ADAM7: variants seen among roughly 807,000 people sequenced by gnomAD.
ADAM7 encodes the protein ADAM metallopeptidase domain 7.
ADAM7 carries 97 observed loss-of-function variants against 102.9 expected under a neutral mutation model. The observed-to-expected ratio is 0.94, with a 90% CI of 0.80 to 1.12. The LOEUF is 1.12. Among genes scored for constraint, ADAM7 ranks in the 50% most tolerant of loss-of-function variants. The pLI, the probability that ADAM7 is intolerant of heterozygous loss-of-function variation, is 0.00. For missense variants in ADAM7, 991 were observed against 908.7 expected (o/e 1.09, Z -1.16); for synonymous variants, 334 against 304.4 (o/e 1.10, Z -1.01).
chr8:24,485,197 T>G, intron 9 of ADAM7, 80 bp from the exon 10 acceptor site: 1 of 1,271,378 alleles, frequency 7.9e-7, no homozygotes, highest in Non-Finnish European at 1.1e-6. Context: ...TTGGCATTGC[T>G]GGGGTTCACT....
intron 12 of ADAM7, chr8:24,490,166 C>T (rs1314377361): frequency 6.6e-6 from 1 of 152,266 alleles, no homozygotes; most frequent in Non-Finnish European, 1.5e-5. Flanking sequence ...GGACAGTAAC[C>T]TGTCCAAAGG....
chr8:24,454,573 A>C lies in ADAM7; in HGVS notation c.233+7311A>C, dbSNP rs185833291. ...CCATCTGTCACCCCTTTCTTTGACT[A>C]GGAAAGGGAACTCCCTGATCCCTTG... On this transcript the variant is annotated intron_variant, in intron 3 of 21. Coordinates refer to ENST00000175238, the MANE Select transcript of ADAM7 (RefSeq NM_003817.4). 5.5e-3 allele frequency among the ~76,000 whole-genome samples: 842 copies of C among 152,258 alleles called. 6 individuals are homozygous for C. Among genetic ancestry groups the C allele is most frequent in the Non-Finnish European group, 0.01 (690 of 68,010 alleles).
chr8:24,474,252 C>T (rs986755857), intron 7 of ADAM7, among the ~76,000 whole-genome samples: 2 of 152,052 alleles, frequency 1.3e-5, no homozygotes, highest in Non-Finnish European at 2.9e-5. Context: ...AAGCACTAAA[C>T]AGATAGGCTT....
chr8:24,441,523 T>C (rs1218603898), intron 1 of ADAM7, among the ~76,000 whole-genome samples: 1 of 152,252 alleles, frequency 6.6e-6, no homozygotes. Flanking sequence ...AAATTAAATA[T>C]GCTACTGCTG....
chr8:24,447,603 C>A (rs572835116), intron 3 of ADAM7, among the ~76,000 whole-genome samples: 1 of 152,232 alleles, frequency 6.6e-6, no homozygotes, highest in Non-Finnish European at 1.5e-5. Context: ...TTTAAAATGA[C>A]TTCTAAGTTG....
At chr8:24,468,662 A>G (rs975128052) in intron 6 of ADAM7, 105 bp from the exon 7 acceptor site, 3 of 946,456 alleles carry the variant, frequency 3.2e-6, no homozygotes, top group Non-Finnish European at 1.6e-6. Context: ...TTGTATCAAT[A>G]TCAACATTTC....
At chr8:24,495,395 A>C (rs1419376526) in intron 16 of ADAM7, among the ~76,000 whole-genome samples, 1 of 151,172 alleles carries the variant, frequency 6.6e-6, no homozygotes, top group East Asian at 1.9e-4. Flanking sequence ...GCTTGAAATA[A>C]ATGAAAAAAA....
chr8:24,468,550 T>C (rs994070487), intron 6 of ADAM7, among the ~76,000 whole-genome samples: 29 of 151,934 alleles, frequency 1.9e-4, no homozygotes, highest in Non-Finnish European at 5.9e-5. Flanking sequence ...AAAGAACAAA[T>C]AGAAAATACT....
chr8:24,441,122 G>C lies in ADAM7; in HGVS notation c.14G>C (p.Cys5Ser). Residue 5 changes from cysteine (C) to serine (S), a missense_variant, in exon 1 of 22, where the codon TGT becomes TCT. Physicochemically the swap from Cys to Ser is moderately radical, Grantham distance 112. Coordinates refer to ENST00000175238, the MANE Select transcript of ADAM7 (RefSeq NM_003817.4). ...GAATCACTCAGAATGCTTCCCGGGT[G>C]TATATTCTTGATGATTTTACTCATT... MLPG[C>S]IFLMILLIPQ... The C allele has an allele frequency of 6.2e-7, 1 of 1,613,828 alleles. No homozygotes were observed. The highest frequency in any genetic ancestry group is 1.3e-5 in the African/African-American group (1 of 75,034).
intron 12 of ADAM7, 130 bp downstream of exon 12, chr8:24,489,463 T>A (rs1820262821): frequency 1.2e-6 from 1 of 829,308 alleles, no homozygotes; most frequent in Non-Finnish European, 1.8e-6. Context: ...GCTTTCCATT[T>A]TTATTTTGAT....
intron 7 of ADAM7, among the ~76,000 whole-genome samples, chr8:24,471,081 CA>C (rs960842530): frequency 2.7e-5 from 4 of 149,968 alleles, no homozygotes; most frequent in Non-Finnish European, 4.4e-5. Flanking sequence ...TAGCTTTTAA[CA>C]AAAAAAGTTT....
intron 16 of ADAM7, among the ~76,000 whole-genome samples, chr8:24,493,860 T>C (rs1426923783): frequency 6.6e-6 from 1 of 152,182 alleles, no homozygotes; most frequent in Admixed American, 6.6e-5. Flanking sequence ...GTACAAAGTG[T>C]ATGGCATAAT....
chr8:24,455,771 T>G (rs1468023111), intron 3 of ADAM7, among the ~76,000 whole-genome samples: 1 of 152,254 alleles, frequency 6.6e-6, no homozygotes, highest in Non-Finnish European at 1.5e-5. Flanking sequence ...GCACAAATTT[T>G]AAATGTCCAT....
At position 24,500,229 on chromosome 8, in the gene ADAM7, GCCTGTGAAGAAA is replaced by G. The variant is rs768477178; in HGVS notation, c.1979_1990del (p.Cys660_Thr663del). On this transcript the variant is annotated inframe_deletion, in exon 18 of 22. Transcript: ENST00000175238. ...CTGTGAGGAAGGACAGGCACCTGTA[GCCTGTGAAGAAA>G]CCTTACATGTTACCAGTGAGCATCC... 11 of 1,611,786 alleles carry G rather than the reference GCCTGTGAAGAAA, an allele frequency of 6.8e-6. No individual in the cohort carries two copies. In the South Asian group the frequency reaches 1.2e-4, roughly 18 times the overall value.
intron 20 of ADAM7, among the ~76,000 whole-genome samples, chr8:24,505,934 T>C (rs7003033): frequency 0.72 from 109,841 of 152,010 alleles, 40,485 homozygotes; most frequent in African/African-American, 0.81. Context: ...ATGTATAAAT[T>C]CCCACTCTTC....
intron 7 of ADAM7, among the ~76,000 whole-genome samples, chr8:24,470,037 A>G (rs780311613): frequency 1.3e-5 from 2 of 152,178 alleles, no homozygotes; most frequent in Non-Finnish European, 2.9e-5. Context: ...ACAATTCTTG[A>G]GAATTTTCCA....
intron 3 of ADAM7, among the ~76,000 whole-genome samples, chr8:24,450,572 G>T (rs1314722632): frequency 6.6e-6 from 1 of 152,096 alleles, no homozygotes. Context: ...GGGTTTTCTA[G>T]ATATACAATC....
At chr8:24,462,330 A>G (rs1203143418) in intron 3 of ADAM7, among the ~76,000 whole-genome samples, 2 of 152,116 alleles carry the variant, frequency 1.3e-5, no homozygotes, top group Non-Finnish European at 2.9e-5. Flanking sequence ...ATTTTTTTCC[A>G]TGATTACTGT....
At chr8:24,468,843 C>T in intron 7 of ADAM7, 23 bp downstream of exon 7, 3 of 1,593,988 alleles carry the variant, frequency 1.9e-6, no homozygotes, top group Non-Finnish European at 2.6e-6. Context: ...TAGAACATTT[C>T]TCTCTTTATT....
Sources: allele counts gnomAD v4.1 joint callset (sites outside exome capture counted in the v4.1 genomes callset), GRCh38; gene constraint gnomAD v4.1.1; transcripts MANE v1.5; gene names NCBI Gene and HGNC (gene_info 2026-07-23, HGNC 2026-07-21).